The following KCNH7 variants were observed in gnomAD, a reference collection of about 807,000 sequenced individuals.
KCNH7 encodes the protein voltage-gated inwardly rectifying potassium channel KCNH7.
A neutral mutation model predicts 120.8 loss-of-function variants in KCNH7; 49 were observed. The ratio of observed to expected loss-of-function variants is 0.41; its 90% CI spans 0.32 to 0.51. The LOEUF (loss-of-function observed/expected upper bound fraction) is 0.51, where lower values mean the gene tolerates loss of function less well. Ranked by LOEUF, KCNH7 falls within the 20% of genes least tolerant of loss-of-function variation. KCNH7 has a pLI of 0.38. For missense variants in KCNH7, 1,097 were observed against 1,446.6 expected (o/e 0.76, Z 3.92); for synonymous variants, 547 against 516.1 (o/e 1.06, Z -0.81).
chr2:162,490,575 T>A (rs546034158), intron 6 of KCNH7, among the ~76,000 whole-genome samples: 21 of 152,114 alleles, frequency 1.4e-4, no homozygotes, highest in Non-Finnish European at 2.6e-4. Context: ...CACTTTCACT[T>A]CTGAGACTTC....
At chr2:162,461,877 A>C (rs1195773216) in intron 6 of KCNH7, among the ~76,000 whole-genome samples, 2 of 152,258 alleles carry the variant, frequency 1.3e-5, no homozygotes, top group East Asian at 3.9e-4. Context: ...AAAATGGAAC[A>C]TCTGATGGGT....
At chr2:162,496,946 A>G (rs982296758) in intron 6 of KCNH7, 1 of 152,170 alleles carries the variant, frequency 6.6e-6, no homozygotes, top group Non-Finnish European at 1.5e-5. Flanking sequence ...ATCTACGGCC[A>G]TACCACCCTG....
At chr2:162,833,447 T>G (rs894195304) in intron 2 of KCNH7, among the ~76,000 whole-genome samples, 2 of 152,178 alleles carry the variant, frequency 1.3e-5, no homozygotes, top group Non-Finnish European at 2.9e-5. Flanking sequence ...AGTCATAGCA[T>G]AATTATAGTT....
At chr2:162,382,734 C>A (rs1482433533) in intron 13 of KCNH7, among the ~76,000 whole-genome samples, 1 of 151,878 alleles carries the variant, frequency 6.6e-6, no homozygotes, top group Non-Finnish European at 1.5e-5. Context: ...ACTGCAGCAG[C>A]AACAAGTCAC....
intron 2 of KCNH7, among the ~76,000 whole-genome samples, chr2:162,643,343 CAAACA>C (rs1684231667): frequency 6.6e-6 from 1 of 150,616 alleles, no homozygotes; most frequent in Admixed American, 6.6e-5. Flanking sequence ...AAAGCAAAAA[CAAACA>C]AAAAAACCCA....
At chr2:162,723,937 A>G (rs1425399813) in intron 2 of KCNH7, among the ~76,000 whole-genome samples, 1 of 152,220 alleles carries the variant, frequency 6.6e-6, no homozygotes, top group East Asian at 1.9e-4. Flanking sequence ...TGGGAAGATG[A>G]ATTTGACAAT....
Position 162,400,240 on chromosome 2 carries a change from A to C in KCNH7, c.2356T>G (p.Ser786Ala). 6.2e-7 allele frequency: 1 copy of C among 1,612,252 alleles called. No homozygotes were observed. The highest frequency in any genetic ancestry group is 8.5e-7 in the Non-Finnish European group (1 of 1,178,850). Reference sequence around the variant, plus strand: ...TTGAGAATTTCAATGGAGCCTCTGGATAAGAAATAAAGTGCAGTGAGGACA... The same window carrying C: ...TTGAGAATTTCAATGGAGCCTCTGGCTAAGAAATAAAGTGCAGTGAGGACA... ...GDVLTALYFL[S>A]RGSIEILKDD... is the part of the protein sequence containing the mutation. Residue 786 changes from serine (S) to alanine (A), a missense_variant, in exon 10 of 16, where the codon TCC becomes GCC. Around this residue, in one of 8 missense-constraint regions of KCNH7, gnomAD observed 101 missense variants for 176.3 expected, o/e 0.57. Transcript: ENST00000332142.
At chr2:162,584,640 C>A (rs1380596747) in intron 2 of KCNH7, among the ~76,000 whole-genome samples, 1 of 152,024 alleles carries the variant, frequency 6.6e-6, no homozygotes, top group Non-Finnish European at 1.5e-5. Flanking sequence ...TTAGTCTTTA[C>A]ATACATCACA....
In KCNH7 at chr2:162,763,946, T is replaced by C. The variant is rs935613218; in HGVS notation, c.307+72591A>G. On this transcript the variant is annotated intron_variant, in intron 2 of 15. Transcript: ENST00000332142. Reference sequence around the variant, plus strand: ...GATGTGAGGAATTTAATAAAGATGCTACAGGAGTCTATGTGTGTGAAATGT... The same window carrying C: ...GATGTGAGGAATTTAATAAAGATGCCACAGGAGTCTATGTGTGTGAAATGT... Among the ~76,000 whole-genome samples the C allele has an allele frequency of 2.6e-5, 4 of 152,100 alleles. No individual in the cohort carries two copies. The South Asian group carries it at 8.3e-4, about 31-fold the overall frequency.
chr2:162,551,643 T>C (rs1430038347), intron 2 of KCNH7, among the ~76,000 whole-genome samples: 1 of 152,088 alleles, frequency 6.6e-6, no homozygotes, highest in Non-Finnish European at 1.5e-5. Flanking sequence ...CTACTAGATA[T>C]GGGAGAGTTT....
At chr2:162,414,863 A>C (rs549984656) in intron 9 of KCNH7, among the ~76,000 whole-genome samples, 1 of 152,076 alleles carries the variant, frequency 6.6e-6, no homozygotes, top group Non-Finnish European at 1.5e-5. Context: ...TTATCTAAGG[A>C]ATGCAAGTCC....
At chr2:162,508,564 G>A (rs1479096864) in intron 5 of KCNH7, among the ~76,000 whole-genome samples, 1 of 151,330 alleles carries the variant, frequency 6.6e-6, no homozygotes, top group Non-Finnish European at 1.5e-5. Context: ...GATCAGTGTT[G>A]GCTTAGATTC....
At chr2:162,633,481 T>A (rs1283917425) in intron 2 of KCNH7, among the ~76,000 whole-genome samples, 2 of 151,862 alleles carry the variant, frequency 1.3e-5, no homozygotes, top group Non-Finnish European at 2.9e-5. Context: ...TGTAGATGTA[T>A]AACTGTTAGT....
chr2:162,646,787 A>G (rs902472224), intron 2 of KCNH7, among the ~76,000 whole-genome samples: 5 of 152,304 alleles, frequency 3.3e-5, no homozygotes, highest in Admixed American at 2.0e-4. Flanking sequence ...AAGGGACTAG[A>G]TGCTGCCAAC....
intron 2 of KCNH7, among the ~76,000 whole-genome samples, chr2:162,629,833 G>A (rs1683702471): frequency 6.6e-6 from 1 of 152,102 alleles, no homozygotes; most frequent in South Asian, 2.1e-4. Flanking sequence ...ACTGTTTGAA[G>A]TGAATCTTTA....
chr2:162,579,241 C>T (rs900142501), intron 2 of KCNH7, among the ~76,000 whole-genome samples: 1 of 152,002 alleles, frequency 6.6e-6, no homozygotes, highest in African/African-American at 2.4e-5. Context: ...CGTCTCTCCT[C>T]AAGAATCAGG....
intron 9 of KCNH7, among the ~76,000 whole-genome samples, chr2:162,400,696 G>A (rs1464437175): frequency 4.0e-5 from 6 of 151,834 alleles, no homozygotes; most frequent in Non-Finnish European, 8.8e-5. Context: ...AAAATATAAT[G>A]CCTACAACTT....
intron 3 of KCNH7, among the ~76,000 whole-genome samples, chr2:162,523,203 A>T (rs1253654663): frequency 6.6e-6 from 1 of 151,824 alleles, no homozygotes; most frequent in Non-Finnish European, 1.5e-5. Context: ...TCTAATGAAA[A>T]TCCTGATTTC....
At chr2:162,412,290 A>G (rs935794058) in intron 9 of KCNH7, among the ~76,000 whole-genome samples, 6 of 152,076 alleles carry the variant, frequency 3.9e-5, no homozygotes, top group African/African-American at 1.4e-4. Flanking sequence ...AAATGATAAA[A>G]TCTTATTGAA....
Sources: gnomAD v4.1 joint callset for allele counts (sites outside exome capture counted in the v4.1 genomes callset) on GRCh38, gnomAD v4.1.1 for gene constraint, gnomAD v4.1.1 regional missense constraint, MANE v1.5 for transcripts, NCBI Gene and HGNC (gene_info 2026-07-23, HGNC 2026-07-21) for gene names.